The following YIPF4 variants were observed in gnomAD, a reference collection of about 807,000 sequenced individuals.
YIPF4 encodes protein YIPF4.
YIPF4 carries 18 observed loss-of-function variants against 29.4 expected under a neutral mutation model. The ratio of observed to expected loss-of-function variants is 0.61; its 90% CI spans 0.42 to 0.91. The LOEUF is 0.91. Among genes scored for constraint, YIPF4 ranks in the 40% least tolerant of loss-of-function variants. The probability of loss-of-function intolerance (pLI) is 0.00; values close to 1 mark genes in which losing one functional copy is unlikely to be tolerated. For missense variants in YIPF4, 279 were observed against 282.7 expected, an observed-to-expected ratio of 0.99 and a Z score of 0.09; for synonymous variants, 115 against 104.7, an observed-to-expected ratio of 1.10 and a Z score of -0.60.
intron 5 of YIPF4, among the ~76,000 whole-genome samples, 161 bp downstream of exon 5, chr2:32,301,656 AT>A (rs1386701741): frequency 6.6e-6 from 1 of 151,834 alleles, no homozygotes; most frequent in Non-Finnish European, 1.5e-5. Context: ...TATTTCTTTC[AT>A]TTTTTTTCCT....
In YIPF4 at chr2:32,306,043, ATATATT is replaced by A. The variant is rs2031571357; in HGVS notation, c.*428_*433del. ...CTCCAGCATCACAGATCCTGCAGAT[ATATATT>A]TATATTTATACATATATATTTATGA... On this transcript the variant is annotated 3_prime_UTR_variant, in exon 6 of 6. Coordinates refer to ENST00000238831, the MANE Select transcript of YIPF4 (RefSeq NM_032312.4). 11 of 875,952 alleles carry A rather than the reference ATATATT, an allele frequency of 1.3e-5. No homozygotes were observed. Among genetic ancestry groups the A allele is most frequent in the Middle Eastern group, 5.8e-4 (1 of 1,722 alleles). The allele number at this position is 875,952 out of a possible 1,614,324, so 54.3% of individuals were successfully genotyped here.
At chr2:32,299,652 A>G (rs555537993) in intron 4 of YIPF4, among the ~76,000 whole-genome samples, 1 of 151,466 alleles carries the variant, frequency 6.6e-6, no homozygotes, top group South Asian at 2.1e-4. Flanking sequence ...GGGAGACCCT[A>G]TCTCTTTAAA....
At chr2:32,278,460 G>C (rs2030214212) in intron 1 of YIPF4, among the ~76,000 whole-genome samples, 1 of 152,062 alleles carries the variant, frequency 6.6e-6, no homozygotes, top group Non-Finnish European at 1.5e-5. Context: ...TCAGCCCTTG[G>C]TTTTCCCCAT....
chr2:32,304,416 C>CT lies in YIPF4; in HGVS notation c.598-1060dup, dbSNP rs74838110. Among the ~76,000 whole-genome samples the CT allele has an allele frequency of 2.3e-3, 333 of 144,306 alleles. 1 individual carries two copies. Among genetic ancestry groups the CT allele is most frequent in the African/African-American group, 5.0e-3 (199 of 39,544 alleles). 94.7% of individuals were successfully genotyped at this position (144,306 alleles called of 152,430 possible). On this transcript the variant is annotated intron_variant, in intron 5 of 5. Coordinates refer to ENST00000238831, the MANE Select transcript of YIPF4 (RefSeq NM_032312.4). ...ATGTTTGAATTATTTCATAGGGTTA[C>CT]TTTTTTTTTTTTTAAGTTCAACAAA...
At chr2:32,282,673 C>T (rs1422668257) in intron 1 of YIPF4, among the ~76,000 whole-genome samples, 4 of 152,000 alleles carry the variant, frequency 2.6e-5, no homozygotes, top group African/African-American at 9.7e-5. Flanking sequence ...ACCTCGTGAT[C>T]CACCCGCCTC....
chr2:32,287,005 G>A (rs1429970480), intron 1 of YIPF4, among the ~76,000 whole-genome samples: 1 of 152,106 alleles, frequency 6.6e-6, no homozygotes, highest in African/African-American at 2.4e-5. Flanking sequence ...AGCACTTTGG[G>A]AGGCCAAGGC....
chr2:32,305,747 G>C lies in YIPF4; in HGVS notation c.*121G>C. 7.8e-7 allele frequency: 1 copy of C among 1,285,536 alleles called. No individual in the cohort carries two copies. 79.6% of individuals were successfully genotyped at this position (1,285,536 alleles called of 1,614,324 possible). A position where few individuals can be genotyped will look rare whatever the true frequency, so the allele number is the denominator to read the frequency against. The stretch of plus-strand genomic sequence containing the variant: ...ATTTTACATGTTCCAGATGGAAAGG[G>C]AAGTCTAAGCGCTTTTTAAAACAAT... On this transcript the variant is annotated 3_prime_UTR_variant, in exon 6 of 6. Coordinates refer to ENST00000238831, the MANE Select transcript of YIPF4 (RefSeq NM_032312.4).
At chr2:32,293,671 G>T (rs1052470222) in intron 3 of YIPF4, among the ~76,000 whole-genome samples, 1 of 152,150 alleles carries the variant, frequency 6.6e-6, no homozygotes, top group Non-Finnish European at 1.5e-5. Context: ...GGGAGGCCGG[G>T]CAGAGGCACC....
intron 5 of YIPF4, among the ~76,000 whole-genome samples, chr2:32,304,909 TCTTTTTATCTC>T (rs2031524540): frequency 6.6e-6 from 1 of 152,198 alleles, no homozygotes; most frequent in Non-Finnish European, 1.5e-5. Context: ...CAAAATGTGA[TCTTTTTATCTC>T]CTTTTTATTC....
intron 1 of YIPF4, among the ~76,000 whole-genome samples, chr2:32,285,782 A>C (rs2030639434): frequency 6.6e-6 from 1 of 151,804 alleles, no homozygotes; most frequent in African/African-American, 2.4e-5. Context: ...CAGCCTCCCA[A>C]GTAGCTGGGA....
At chr2:32,292,951 C>G (rs1381119875) in intron 3 of YIPF4, among the ~76,000 whole-genome samples, 1 of 151,056 alleles carries the variant, frequency 6.6e-6, no homozygotes, top group Non-Finnish European at 1.5e-5. Flanking sequence ...GACCAGAAGT[C>G]ACTAGAAGGT....
chr2:32,303,726 T>C (rs922873266), intron 5 of YIPF4, among the ~76,000 whole-genome samples: 4 of 152,194 alleles, frequency 2.6e-5, no homozygotes, highest in African/African-American at 9.7e-5. Context: ...ATCTTTGTGT[T>C]TAAATACTTC....
Position 32,309,752 on chromosome 2 carries a change from A to T in YIPF4, c.*4126A>T, listed in dbSNP as rs1210856752. ...TCGCCCAGGCTGGAGTGTGTGGCGC[A>T]ATCTCAGCTCACTGCAACCTCTGAT... On this transcript the variant is annotated 3_prime_UTR_variant, in exon 6 of 6. Coordinates refer to ENST00000238831, the MANE Select transcript of YIPF4 (RefSeq NM_032312.4). The T allele has an allele frequency of 6.9e-6, 1 of 144,250 alleles. No homozygotes were observed. Among genetic ancestry groups the T allele is most frequent in the East Asian group, 2.0e-4 (1 of 4,918 alleles). 8.9% of individuals were successfully genotyped at this position (144,250 alleles called of 1,614,324 possible).
chr2:32,305,493 T>C lies in YIPF4; in HGVS notation c.602T>C (p.Phe201Ser), dbSNP rs1325822313. The C allele has an allele frequency of 6.4e-7, 1 of 1,561,518 alleles. No individual in the cohort carries two copies. The highest frequency in any genetic ancestry group is 8.6e-7 in the Non-Finnish European group (1 of 1,157,992). Residue 201 changes from phenylalanine (F) to serine (S), a missense_variant, in exon 6 of 6, where the codon TTT becomes TCT. Transcript: ENST00000238831. ...FEVVSTLIKL[F>S]GVFWAAYSAA... The stretch of plus-strand genomic sequence containing the variant: ...TCTTTTTTCCTTTTTTTAAAGCTGT[T>C]TGGTGTGTTTTGGGCTGCCTACAGT...
chr2:32,278,707 G>C (rs1573520003), intron 1 of YIPF4, among the ~76,000 whole-genome samples: 1 of 152,236 alleles, frequency 6.6e-6, no homozygotes, highest in East Asian at 1.9e-4. Flanking sequence ...AAACTAAATG[G>C]TTTTTATTGA....
intron 3 of YIPF4, among the ~76,000 whole-genome samples, chr2:32,296,988 G>A (rs901269390): frequency 1.3e-5 from 2 of 152,074 alleles, no homozygotes; most frequent in African/African-American, 2.4e-5. Flanking sequence ...ACCATTGGGA[G>A]CTCCTTCAGC....
In YIPF4 at chr2:32,313,204, C is replaced by T. The variant is rs2031751144; in HGVS notation, c.*7578C>T. 6.6e-6 allele frequency: 1 copy of T among 151,956 alleles called. No individual in the cohort carries two copies. The highest frequency in any genetic ancestry group is 2.1e-4 in the South Asian group (1 of 4,828). The allele number at this position is 151,956 out of a possible 1,614,324, so 9.4% of individuals were successfully genotyped here. On this transcript the variant is annotated 3_prime_UTR_variant, in exon 6 of 6. Transcript: ENST00000238831. ...TAGGGAAAAATAAAAGTTAACTAGG[C>T]AAAGAAGGTAGGGAAGACTCTTTCA... is the stretch of plus-strand genomic sequence containing the variant.
intron 3 of YIPF4, among the ~76,000 whole-genome samples, chr2:32,293,058 A>AT (rs1056576368): frequency 1.2e-4 from 16 of 128,564 alleles, no homozygotes; most frequent in South Asian, 1.2e-3. Context: ...TTTTATTTTT[A>AT]TTTTTTTATT....
rs564480653 is a variant in YIPF4, at chr2:32,293,065, T to A, written c.405+717T>A. Among the ~76,000 whole-genome samples the A allele has an allele frequency of 1.2e-4, 18 of 150,976 alleles. No homozygotes were observed. In the East Asian group the frequency reaches 2.5e-3, roughly 21 times the overall value. ...ATTTTTATTTTTATTTTTATTTTTT[T>A]ATTTTTATTTATTTATTTATTTATT... On this transcript the variant is annotated intron_variant, in intron 3 of 5. Coordinates refer to ENST00000238831, the MANE Select transcript of YIPF4 (RefSeq NM_032312.4).
Sources: gnomAD v4.1 joint callset for allele counts (sites outside exome capture counted in the v4.1 genomes callset) on GRCh38, gnomAD v4.1.1 for gene constraint, MANE v1.5 for transcripts, NCBI Gene and HGNC (gene_info 2026-07-23, HGNC 2026-07-21) for gene names.